The following PPM1A variants were observed in gnomAD, a reference collection of about 807,000 sequenced individuals.
The protein encoded by PPM1A is protein phosphatase, Mg2+/Mn2+ dependent 1A.
In PPM1A, 7 loss-of-function variants were observed where a neutral mutation model predicts 35.0. The ratio of observed to expected loss-of-function variants is 0.20; its 90% CI spans 0.11 to 0.38. PPM1A has a LOEUF of 0.38. Among genes scored for constraint, PPM1A ranks in the 10% least tolerant of loss-of-function variants. The probability of loss-of-function intolerance (pLI) is 1.00; values close to 1 mark genes in which losing one functional copy is unlikely to be tolerated. For missense variants in PPM1A, 239 were observed against 467.8 expected (o/e 0.51, Z 4.51); for synonymous variants, 153 against 167.3 (o/e 0.91, Z 0.66).
chr14:60,250,323 G>C lies in PPM1A; in HGVS notation c.-21+646G>C, dbSNP rs779454738. On this transcript the variant is annotated intron_variant, in intron 1 of 5. Coordinates refer to ENST00000395076, the MANE Select transcript of PPM1A (RefSeq NM_021003.5). ...TCTTATCCTTTTAACTACGTAAATC[G>C]GGTAAAACTTCTTGATGTTAGAGCT... The C allele has an allele frequency of 2.5e-4, 135 of 538,626 alleles. 1 individual carries two copies. Among genetic ancestry groups the C allele is most frequent in the Admixed American group, 6.4e-4 (10 of 15,644 alleles). The allele number at this position is 538,626 out of a possible 1,614,324, so 33.4% of individuals were successfully genotyped here.
intron 1 of PPM1A, among the ~76,000 whole-genome samples, chr14:60,272,401 G>A (rs1377920083): frequency 1.3e-5 from 2 of 151,778 alleles, no homozygotes; most frequent in African/African-American, 4.8e-5. Flanking sequence ...GGATGAGGGT[G>A]GAAGACATTT....
intron 2 of PPM1A, 119 bp from the exon 3 acceptor site, chr14:60,285,505 C>T (rs756805112): frequency 8.9e-7 from 1 of 1,122,530 alleles, no homozygotes; most frequent in Non-Finnish European, 1.3e-6. Context: ...TTTTTTTCTC[C>T]CTGAAAGTAA....
At chr14:60,279,882 A>AATTATATAATAATATCTAT (rs1886189793) in intron 1 of PPM1A, among the ~76,000 whole-genome samples, 1 of 152,010 alleles carries the variant, frequency 6.6e-6, no homozygotes, top group African/African-American at 2.4e-5. Context: ...ATGGTGTAAA[A>AATTATATAATAATATCTAT]ATTATATAAT....
At chr14:60,264,055 T>G (rs1333293641) in intron 1 of PPM1A, among the ~76,000 whole-genome samples, 2 of 152,254 alleles carry the variant, frequency 1.3e-5, no homozygotes, top group East Asian at 3.9e-4. Flanking sequence ...TTATTGTTCC[T>G]TGCATCTTCT....
chr14:60,279,900 A>T (rs1026852694), intron 1 of PPM1A, among the ~76,000 whole-genome samples: 1 of 152,128 alleles, frequency 6.6e-6, no homozygotes, highest in Non-Finnish European at 1.5e-5. Flanking sequence ...AATAATATCT[A>T]TATTATATTG....
At chr14:60,251,011 T>A (rs914028389) in intron 1 of PPM1A, among the ~76,000 whole-genome samples, 1 of 152,262 alleles carries the variant, frequency 6.6e-6, no homozygotes, top group Non-Finnish European at 1.5e-5. Flanking sequence ...TCTTAGATGC[T>A]GCTTTTACTG....
In PPM1A at chr14:60,295,975, G is replaced by T. The variant is rs188344291; in HGVS notation, c.*3493G>T. Reference sequence around the variant, plus strand: ...GACTGAAGAGGCTTAAGCCCATTCAGTATCCTTGATTGCATTTATCCAACG... The same window carrying T: ...GACTGAAGAGGCTTAAGCCCATTCATTATCCTTGATTGCATTTATCCAACG... On this transcript the variant is annotated 3_prime_UTR_variant, in exon 6 of 6. Coordinates refer to ENST00000395076, the MANE Select transcript of PPM1A (RefSeq NM_021003.5). 203 of 151,778 alleles carry T rather than the reference G, an allele frequency of 1.3e-3. No homozygotes were observed. The highest frequency in any genetic ancestry group is 4.6e-3 in the African/African-American group (190 of 41,510). The allele number at this position is 151,778 out of a possible 1,614,324, so 9.4% of individuals were successfully genotyped here. A position where few individuals can be genotyped will look rare whatever the true frequency, so the allele number is the denominator to read the frequency against.
At chr14:60,262,270 A>G (rs187679229) in intron 1 of PPM1A, among the ~76,000 whole-genome samples, 36 of 152,288 alleles carry the variant, frequency 2.4e-4, no homozygotes, top group Admixed American at 9.1e-4. Flanking sequence ...AGAAATGAGT[A>G]TTTGTTGATT....
chr14:60,262,624 TAGTTTG>T (rs1883876764), intron 1 of PPM1A, among the ~76,000 whole-genome samples: 2 of 152,172 alleles, frequency 1.3e-5, no homozygotes, highest in Admixed American at 1.3e-4. Context: ...CTCCACGCTA[TAGTTTG>T]AGTTGTGATC....
chr14:60,287,591 T>G (rs1887151313), intron 3 of PPM1A: 1 of 985,178 alleles, frequency 1.0e-6, no homozygotes. Flanking sequence ...ATACATGCCT[T>G]CACTAGATTG....
At chr14:60,276,335 A>AT (rs1373574174) in intron 1 of PPM1A, among the ~76,000 whole-genome samples, 1 of 151,596 alleles carries the variant, frequency 6.6e-6, no homozygotes, top group Non-Finnish European at 1.5e-5. Context: ...CTCACTATAT[A>AT]TTTTTTTCTC....
In PPM1A at chr14:60,288,021, C is replaced by T. The variant is rs543634198; in HGVS notation, c.953-1785C>T. 40 of 979,706 alleles carry T rather than the reference C, an allele frequency of 4.1e-5. No homozygotes were observed. The South Asian group carries it at 1.4e-3, about 35-fold the overall frequency. The allele number at this position is 979,706 out of a possible 1,614,324, so 60.7% of individuals were successfully genotyped here. On this transcript the variant is annotated intron_variant, in intron 3 of 5. Transcript: ENST00000395076. ...AGTCTTTTTACAATTCTAAGTAAAA[C>T]GTATAGGTCAACAGAAATTAAAGGA... is the stretch of plus-strand genomic sequence containing the variant.
At chr14:60,252,522 C>T (rs1882553617) in intron 1 of PPM1A, among the ~76,000 whole-genome samples, 1 of 152,156 alleles carries the variant, frequency 6.6e-6, no homozygotes, top group Non-Finnish European at 1.5e-5. Flanking sequence ...ATATATAAAC[C>T]TTGGAGAAGA....
In PPM1A at chr14:60,264,223, C is replaced by T. The variant is rs571582221; in HGVS notation, c.-21+14546C>T. 2.6e-4 allele frequency among the ~76,000 whole-genome samples: 39 copies of T among 152,220 alleles called. No individual in the cohort carries two copies. In the South Asian group the frequency reaches 8.1e-3, roughly 32 times the overall value. On this transcript the variant is annotated intron_variant, in intron 1 of 5. Transcript: ENST00000395076. ...AATTCTTGGTTGATAGGTTTCCTCC[C>T]ATCAGCAACCTCAGTATATTATTTC...
rs1314551453 is a variant in PPM1A, at chr14:60,273,024, T to A, written c.-20-9660T>A. Among the ~76,000 whole-genome samples, 1 of 152,206 alleles carries A rather than the reference T, an allele frequency of 6.6e-6. No individual in the cohort carries two copies. On this transcript the variant is annotated intron_variant, in intron 1 of 5. Transcript: ENST00000395076. This position sits in a 1 kb window ranked among gnomAD's most constrained non-coding sequence, Gnocchi z 4.3. ...ATTAATTCAGTGAGCTTGTTAATTT[T>A]GAAAAGGCTTCAACTGAGGAACACT... is the stretch of plus-strand genomic sequence containing the variant.
intron 1 of PPM1A, among the ~76,000 whole-genome samples, chr14:60,254,467 A>G (rs1440428650): frequency 6.6e-6 from 1 of 152,180 alleles, no homozygotes; most frequent in East Asian, 1.9e-4. Flanking sequence ...AAGGGTTGGT[A>G]TTTTGAAGAG....
At chr14:60,290,556 T>G (rs1182897513) in intron 4 of PPM1A, among the ~76,000 whole-genome samples, 1 of 152,180 alleles carries the variant, frequency 6.6e-6, no homozygotes, top group Non-Finnish European at 1.5e-5. Context: ...AATATCCATA[T>G]AATTGACTTA....
chr14:60,277,740 C>G (rs1265316652), intron 1 of PPM1A, among the ~76,000 whole-genome samples: 1 of 152,108 alleles, frequency 6.6e-6, no homozygotes, highest in African/African-American at 2.4e-5. Flanking sequence ...TGCCTGTTTG[C>G]TGACTGCCTC....
At chr14:60,288,732 T>A (rs549975817) in intron 3 of PPM1A, among the ~76,000 whole-genome samples, 1 of 152,204 alleles carries the variant, frequency 6.6e-6, no homozygotes, top group East Asian at 1.9e-4. Flanking sequence ...CGAATCTTTA[T>A]ACACATTGTT....
Sources: gnomAD v4.1 joint callset for allele counts (sites outside exome capture counted in the v4.1 genomes callset) on GRCh38, gnomAD v4.1.1 for gene constraint, Gnocchi (gnomAD v3.1) non-coding constraint, MANE v1.5 for transcripts, NCBI Gene and HGNC (gene_info 2026-07-23, HGNC 2026-07-21) for gene names.